Variants in POLR1F observed in about 807,000 individuals in gnomAD.
POLR1F encodes DNA-directed RNA polymerase I subunit RPA43.
A neutral mutation model predicts 21.8 loss-of-function variants in POLR1F; 23 were observed. The ratio of observed to expected loss-of-function variants is 1.05; its 90% CI spans 0.76 to 1.49. The LOEUF (loss-of-function observed/expected upper bound fraction) is 1.49. Among genes scored for constraint, POLR1F ranks in the 40% most tolerant of loss-of-function variants. POLR1F has a pLI of 0.00. For missense variants in POLR1F, 435 were observed against 412.1 expected, an observed-to-expected ratio of 1.06 and a Z score of -0.48; for synonymous variants, 162 against 152.8, an observed-to-expected ratio of 1.06 and a Z score of -0.45.
chr7:19,704,712 TA>T, intron 2 of POLR1F, 66 bp downstream of exon 2: 1 of 1,423,680 alleles, frequency 7.0e-7, no homozygotes, highest in Non-Finnish European at 9.5e-7. Flanking sequence ...TATTATCTCT[TA>T]AAATGTTCCA....
chr7:19,701,785 T>G (rs980660294), intron 2 of POLR1F, among the ~76,000 whole-genome samples: 3 of 152,144 alleles, frequency 2.0e-5, no homozygotes, highest in Admixed American at 6.5e-5. Flanking sequence ...GCTTTAATCA[T>G]TCATAGAACT....
Position 19,700,275 on chromosome 7 carries a change from T to A in POLR1F, c.402A>T (p.Ile134=). Residue 134 remains isoleucine (I), a synonymous_variant, in exon 3 of 4, where the codon ATA becomes ATT. Coordinates refer to ENST00000222567, the MANE Select transcript of POLR1F (RefSeq NM_001002926.2). ...TGTGGCTAGAAGACACTTTATTAAC[T>A]ATACCCTGGGAAGAAGAAGGAAGAA... ...CPEPGQKLMG[I]VNKVSSSHIG... 1 of 1,612,846 alleles carries A rather than the reference T, an allele frequency of 6.2e-7. No individual in the cohort carries two copies.
At position 19,697,386 on chromosome 7, in the gene POLR1F, A is replaced by G. The variant is rs972068174; in HGVS notation, c.*930T>C. The G allele has an allele frequency of 6.6e-6, 1 of 152,140 alleles. No individual in the cohort carries two copies. Among genetic ancestry groups the G allele is most frequent in the Admixed American group, 6.6e-5 (1 of 15,266 alleles). The allele number at this position is 152,140 out of a possible 1,614,324, so 9.4% of individuals were successfully genotyped here. A position where few individuals can be genotyped will look rare whatever the true frequency, so the allele number is the denominator to read the frequency against. ...GTGTGGAAAATGAATAAATATGGCC[A>G]TGCATTGATTACCAGCTTCAACCAG... On this transcript the variant is annotated 3_prime_UTR_variant, in exon 4 of 4. Coordinates refer to ENST00000222567, the MANE Select transcript of POLR1F (RefSeq NM_001002926.2).
rs1246011944 is a variant in POLR1F at position 19,708,824 on chromosome 7, T to G, written c.193A>C (p.Asn65His). The part of the protein sequence containing the change: ...RHIALSPRYL[N>H]RKRTGIREQL... ...TCTCGAATGCCGGTGCGTTTCCTGT[T>G]AAGGTAGCGGGGCGACAGCGCGATG... The change falls in exon 1 of 4, where the codon AAC becomes CAC. Residue 65 changes from asparagine (N) to histidine (H), a missense_variant. Transcript: ENST00000222567. 3.1e-6 allele frequency: 5 copies of G among 1,613,972 alleles called. No homozygotes were observed. The highest frequency in any genetic ancestry group is 1.3e-5 in the African/African-American group (1 of 74,906).
intron 3 of POLR1F, 28 bp from the exon 4 acceptor site, chr7:19,698,755 C>T (rs751641540): frequency 6.7e-7 from 1 of 1,487,230 alleles, no homozygotes. Flanking sequence ...AAAAAATTAA[C>T]AGAACAATAA....
chr7:19,706,871 T>G (rs1236577161), intron 1 of POLR1F, among the ~76,000 whole-genome samples: 1 of 152,206 alleles, frequency 6.6e-6, no homozygotes, highest in African/African-American at 2.4e-5. Flanking sequence ...TAATACTATA[T>G]GTTCAATGTT....
Position 19,708,915 on chromosome 7 carries a change from A to C in POLR1F, c.102T>G (p.Tyr34Ter). The C allele has an allele frequency of 1.2e-6, 2 of 1,614,028 alleles. No homozygotes were observed. Among genetic ancestry groups the C allele is most frequent in the Non-Finnish European group, 1.7e-6 (2 of 1,179,960 alleles). The change falls in exon 1 of 4, where the codon TAT becomes TAG. Residue 34 changes from tyrosine (Y) to a stop codon, truncating the protein, a stop_gained. Transcript: ENST00000222567. LOFTEE classifies it high-confidence loss of function. ...TGTTCACCAGCGCACAAGCAGCGGC[A>C]TAAGTCGGCAACTCTAGGCAAGGCA... ...GVLPCLELPTYAAACALVNSR... is the reference protein window; with the variant it reads ...GVLPCLELPT
At chr7:19,701,045 C>T (rs1419265843) in intron 2 of POLR1F, among the ~76,000 whole-genome samples, 1 of 152,072 alleles carries the variant, frequency 6.6e-6, no homozygotes, top group African/African-American at 2.4e-5. Flanking sequence ...GCAAATAATG[C>T]CGATGTGTAT....
At position 19,698,372 on chromosome 7, in the gene POLR1F, ATTCGGCCTC is replaced by A; in HGVS notation, c.952_960del (p.Glu318_Glu320del). On this transcript the variant is annotated inframe_deletion, in exon 4 of 4. Transcript: ENST00000222567. Reference sequence around the variant, plus strand: ...GGTGAGCATTTCAAAGGTGGGGTAAATTCGGCCTCTTCACTGTGTTTTCTTTTCTTTTTT... The same window carrying A: ...GGTGAGCATTTCAAAGGTGGGGTAAATTCACTGTGTTTTCTTTTCTTTTTT... The A allele has an allele frequency of 6.3e-7, 1 of 1,588,402 alleles. No individual in the cohort carries two copies. The highest frequency in any genetic ancestry group is 8.5e-7 in the Non-Finnish European group (1 of 1,173,858).
Position 19,698,270 on chromosome 7 carries a change from T to A in POLR1F, c.*46A>T. ...TCACTGAAAACATTTATTCATCTATTGTATGTAGATCGATCTTTTAAAAAC... is the reference window on the plus strand; with the variant it reads ...TCACTGAAAACATTTATTCATCTATAGTATGTAGATCGATCTTTTAAAAAC... On this transcript the variant is annotated 3_prime_UTR_variant, in exon 4 of 4. Transcript: ENST00000222567. 1 of 1,495,154 alleles carries A rather than the reference T, an allele frequency of 6.7e-7. No individual in the cohort carries two copies. The highest frequency in any genetic ancestry group is 1.4e-5 in the South Asian group (1 of 70,212). 92.6% of individuals were successfully genotyped at this position (1,495,154 alleles called of 1,614,324 possible).
rs778894332 is a variant in POLR1F at position 19,708,983 on chromosome 7, C to T, written c.34G>A (p.Ala12Thr). The change falls in exon 1 of 4, where the codon GCG becomes ACG. Residue 12 changes from alanine (A) to threonine (T), a missense_variant. Physicochemically the swap from Ala to Thr is moderately conservative, Grantham distance 58 (BLOSUM62 0). Coordinates refer to ENST00000222567, the MANE Select transcript of POLR1F (RefSeq NM_001002926.2). The stretch of plus-strand genomic sequence containing the variant: ...ACCAGAGACCCATCAGAAGCCGCCG[C>T]TGGCCGCGGCGCCTCTGAGCAACCT... ...AAGCSEAPRP[A>T]AASDGSLVGQ... The T allele has an allele frequency of 1.9e-6, 3 of 1,596,056 alleles. No individual in the cohort carries two copies. The highest frequency in any genetic ancestry group is 2.6e-6 in the Non-Finnish European group (3 of 1,169,568).
chr7:19,708,625 C>G, intron 1 of POLR1F, 138 bp downstream of exon 1: 1 of 1,231,482 alleles, frequency 8.1e-7, no homozygotes, highest in East Asian at 2.3e-5. Context: ...GGACGGATCG[C>G]GACTCTAGAA....
At chr7:19,706,548 A>G (rs186604520) in intron 1 of POLR1F, among the ~76,000 whole-genome samples, 121 of 152,294 alleles carry the variant, frequency 7.9e-4, no homozygotes, top group African/African-American at 2.7e-3. Flanking sequence ...CATGTACAGG[A>G]CAGTCTGATA....
chr7:19,699,260 T>A (rs1783419464), intron 3 of POLR1F, among the ~76,000 whole-genome samples: 1 of 152,154 alleles, frequency 6.6e-6, no homozygotes, highest in Non-Finnish European at 1.5e-5. Flanking sequence ...GTGAATTATT[T>A]TACACCACTA....
chr7:19,701,577 T>A (rs980588166), intron 2 of POLR1F, among the ~76,000 whole-genome samples: 4 of 152,204 alleles, frequency 2.6e-5, no homozygotes, highest in Non-Finnish European at 4.4e-5. Flanking sequence ...TTACATAGCT[T>A]GTAATAGCTG....
Position 19,708,993 on chromosome 7 carries a change from C to T in POLR1F, c.24G>A (p.Ala8=). ...CATCAGAAGCCGCCGCTGGCCGCGG[C>T]GCCTCTGAGCAACCTGCAGCCATGC... MAAGCSE[A]PRPAAASDGS... is the part of the protein sequence containing the mutation. The change falls in exon 1 of 4, where the codon GCG becomes GCA. Residue 8 remains alanine (A), a synonymous_variant. Coordinates refer to ENST00000222567, the MANE Select transcript of POLR1F (RefSeq NM_001002926.2). The T allele has an allele frequency of 6.3e-7, 1 of 1,592,364 alleles. No homozygotes were observed. The highest frequency in any genetic ancestry group is 8.6e-7 in the Non-Finnish European group (1 of 1,168,214).
chr7:19,700,420 T>C, intron 2 of POLR1F, 140 bp from the exon 3 acceptor site: 1 of 664,768 alleles, frequency 1.5e-6, no homozygotes, highest in Non-Finnish European at 2.5e-6. Flanking sequence ...GGAAAAAGTT[T>C]ACCTCAATTA....
At chr7:19,705,124 C>T (rs2128006967) in intron 1 of POLR1F, among the ~76,000 whole-genome samples, 1 of 152,254 alleles carries the variant, frequency 6.6e-6, no homozygotes, top group East Asian at 1.9e-4. Context: ...CCACTGCACT[C>T]TTTCAAACCA....
chr7:19,708,830 A>G lies in POLR1F; in HGVS notation c.187T>C (p.Tyr63His), dbSNP rs1260792029. Reference protein sequence around the residue: ...HQRHIALSPRYLNRKRTGIRE... With the variant: ...HQRHIALSPRHLNRKRTGIRE... ...ATGCCGGTGCGTTTCCTGTTAAGGTAGCGGGGCGACAGCGCGATGTGCCTT... is the reference window on the plus strand; with the variant it reads ...ATGCCGGTGCGTTTCCTGTTAAGGTGGCGGGGCGACAGCGCGATGTGCCTT... The change falls in exon 1 of 4, where the codon TAC (tyrosine) becomes CAC (histidine). Residue 63 changes from tyrosine (Y) to histidine (H), a missense_variant. By Grantham distance (83) the Tyr-to-His change is moderately conservative. Coordinates refer to ENST00000222567, the MANE Select transcript of POLR1F (RefSeq NM_001002926.2). 6.2e-7 allele frequency: 1 copy of G among 1,614,188 alleles called. No homozygotes were observed. Among genetic ancestry groups the G allele is most frequent in the Non-Finnish European group, 8.5e-7 (1 of 1,180,000 alleles).
Sources: gnomAD v4.1 joint callset for allele counts (sites outside exome capture counted in the v4.1 genomes callset) on GRCh38, gnomAD v4.1.1 for gene constraint, MANE v1.5 for transcripts, NCBI Gene and HGNC (gene_info 2026-07-23, HGNC 2026-07-21) for gene names.